EIF5A2: variants seen among roughly 807,000 people sequenced by gnomAD.
The protein encoded by EIF5A2 is eukaryotic translation initiation factor 5A2.
A neutral mutation model predicts 16.4 loss-of-function variants in EIF5A2; 15 were observed. The observed-to-expected ratio is 0.92, with a 90% CI of 0.61 to 1.41. EIF5A2 has a LOEUF of 1.41. Among genes scored for constraint, EIF5A2 ranks in the 40% most tolerant of loss-of-function variants. EIF5A2 has a pLI of 0.00. For synonymous variants in EIF5A2, 48 were observed against 61.1 expected (o/e 0.79, Z 1.00); for missense variants, 144 against 189.5 (o/e 0.76, Z 1.41).
At chr3:170,901,516 A>G (rs1005911860) in intron 3 of EIF5A2, among the ~76,000 whole-genome samples, 6 of 152,008 alleles carry the variant, frequency 3.9e-5, no homozygotes, top group African/African-American at 1.5e-4. Flanking sequence ...TACTACTGAT[A>G]TACAACAGAA....
Position 170,889,073 on chromosome 3 carries a change from T to C in EIF5A2, c.*4287A>G, listed in dbSNP as rs9812695. On this transcript the variant is annotated 3_prime_UTR_variant, in exon 5 of 5. Transcript: ENST00000295822. The stretch of plus-strand genomic sequence containing the variant: ...CTTTTTTTTTTTTTTTTTTTTTTTG[T>C]AAAATAGGTTTCTACCTGTTCTAAG... 8.0e-6 allele frequency: 1 copy of C among 124,668 alleles called. No homozygotes were observed. Among genetic ancestry groups the C allele is most frequent in the Non-Finnish European group, 1.8e-5 (1 of 57,118 alleles). The allele number at this position is 124,668 out of a possible 1,614,324, so 7.7% of individuals were successfully genotyped here.
intron 4 of EIF5A2, among the ~76,000 whole-genome samples, chr3:170,894,030 CAAAA>C (rs200594446): frequency 9.4e-6 from 1 of 106,912 alleles, no homozygotes; most frequent in Non-Finnish European, 2.0e-5. Context: ...GACTCCGTCT[CAAAA>C]AAAAAAAAAA....
At chr3:170,907,141 A>C in intron 2 of EIF5A2, 48 bp from the exon 3 acceptor site, 1 of 1,220,840 alleles carries the variant, frequency 8.2e-7, no homozygotes, top group Non-Finnish European at 1.2e-6. Flanking sequence ...CAAGTATATC[A>C]CTCATTACAC....
In EIF5A2 at chr3:170,907,817, G is replaced by A; in HGVS notation, c.-11C>T. The A allele has an allele frequency of 6.6e-7, 1 of 1,518,606 alleles. No homozygotes were observed. Among genetic ancestry groups the A allele is most frequent in the Non-Finnish European group, 8.9e-7 (1 of 1,119,926 alleles). 94.1% of individuals were successfully genotyped at this position (1,518,606 alleles called of 1,614,324 possible). Reference sequence around the variant, plus strand: ...AATTTCGTCTGCCATGGTGGGCAGGGGAGATGGTAGTTTTTCCGTGGGAAC... The same window carrying A: ...AATTTCGTCTGCCATGGTGGGCAGGAGAGATGGTAGTTTTTCCGTGGGAAC... On this transcript the variant is annotated 5_prime_UTR_variant, in exon 2 of 5. Coordinates refer to ENST00000295822, the MANE Select transcript of EIF5A2 (RefSeq NM_020390.6).
In EIF5A2 at chr3:170,906,543, T is replaced by C. The variant is rs565477899; in HGVS notation, c.270+446A>G. On this transcript the variant is annotated intron_variant, in intron 3 of 4. Transcript: ENST00000295822. The stretch of plus-strand genomic sequence containing the variant: ...CTACTTAAGAATGTCAAGTTCTGAC[T>C]AACATTCATTAATGCAAAAACTTGG... Among the ~76,000 whole-genome samples the C allele has an allele frequency of 2.6e-5, 4 of 152,330 alleles. No homozygotes were observed. The South Asian group carries it at 8.3e-4, about 32-fold the overall frequency.
intron 3 of EIF5A2, among the ~76,000 whole-genome samples, chr3:170,900,349 A>G (rs1049284839): frequency 6.9e-6 from 1 of 144,848 alleles, no homozygotes; most frequent in Non-Finnish European, 1.5e-5. Flanking sequence ...CCTGGGTGGC[A>G]GAGCACGACT....
In EIF5A2 at chr3:170,889,046, G is replaced by GTATTTTTT. The variant is rs1249780814; in HGVS notation, c.*4313_*4314insAAAAAATA. On this transcript the variant is annotated 3_prime_UTR_variant, in exon 5 of 5. Transcript: ENST00000295822. ...GGACTTCATATAAATACAATAACCT[G>GTATTTTTT]TCTTTTTTTTTTTTTTTTTTTTTTT... The GTATTTTTT allele has an allele frequency of 3.9e-5, 1 of 25,860 alleles. No individual in the cohort carries two copies. The highest frequency in any genetic ancestry group is 1.4e-3 in the South Asian group (1 of 700). 1.6% of individuals were successfully genotyped at this position (25,860 alleles called of 1,614,324 possible).
At chr3:170,893,472 G>C (rs1210970764) in intron 4 of EIF5A2, 53 bp from the exon 5 acceptor site, 3 of 1,572,266 alleles carry the variant, frequency 1.9e-6, no homozygotes, top group Non-Finnish European at 2.6e-6. Flanking sequence ...ACATATAGAA[G>C]ATATAATTAG....
chr3:170,891,907 A>AC lies in EIF5A2; in HGVS notation c.*1452dup, dbSNP rs1712543971. 1 of 152,642 alleles carries AC rather than the reference A, an allele frequency of 6.6e-6. No homozygotes were observed. Among genetic ancestry groups the AC allele is most frequent in the East Asian group, 1.9e-4 (1 of 5,204 alleles). The allele number at this position is 152,642 out of a possible 1,614,324, so 9.5% of individuals were successfully genotyped here. ...TAGAATTATTTGCTAGTTATAGTTC[A>AC]CACCAGCAACTGAATTAAGTCACAC... is the stretch of plus-strand genomic sequence containing the variant. On this transcript the variant is annotated 3_prime_UTR_variant, in exon 5 of 5. Transcript: ENST00000295822.
intron 3 of EIF5A2, among the ~76,000 whole-genome samples, chr3:170,901,912 A>T (rs1264079760): frequency 1.3e-5 from 2 of 152,040 alleles, no homozygotes; most frequent in African/African-American, 2.4e-5. Flanking sequence ...ATGCTTGATC[A>T]CTATTATTAT....
At chr3:170,902,431 G>A (rs1031414307) in intron 3 of EIF5A2, among the ~76,000 whole-genome samples, 2 of 128,342 alleles carry the variant, frequency 1.6e-5, no homozygotes, top group African/African-American at 6.2e-5. Context: ...TTGAGACCGA[G>A]TCTTGCTCTG....
At chr3:170,903,752 CAT>C (rs1712867200) in intron 3 of EIF5A2, among the ~76,000 whole-genome samples, 1 of 152,140 alleles carries the variant, frequency 6.6e-6, no homozygotes, top group Non-Finnish European at 1.5e-5. Flanking sequence ...ATTCAATTAA[CAT>C]ATCTCAGCAT....
chr3:170,905,453 T>C lies in EIF5A2; in HGVS notation c.270+1536A>G, dbSNP rs947972815. On this transcript the variant is annotated intron_variant, in intron 3 of 4. Coordinates refer to ENST00000295822, the MANE Select transcript of EIF5A2 (RefSeq NM_020390.6). ...AAACATGCAACAGGCAAAAGCATTC[T>C]ATATTGAATGAATATTACTGAATAT... Among the ~76,000 whole-genome samples the C allele has an allele frequency of 3.3e-5, 5 of 152,378 alleles. No homozygotes were observed. The East Asian group carries it at 9.6e-4, about 29-fold the overall frequency.
rs1712443020 is a variant in EIF5A2, at chr3:170,888,583, G to A, written c.*4777C>T. The A allele has an allele frequency of 6.6e-6, 1 of 152,398 alleles. No homozygotes were observed. The highest frequency in any genetic ancestry group is 1.5e-5 in the Non-Finnish European group (1 of 67,960). 9.4% of individuals were successfully genotyped at this position (152,398 alleles called of 1,614,324 possible). ...TTTAACTATTTTTGAAATGTAAAAT[G>A]TACAATTAGTAATACCCATACTACG... On this transcript the variant is annotated 3_prime_UTR_variant, in exon 5 of 5. Coordinates refer to ENST00000295822, the MANE Select transcript of EIF5A2 (RefSeq NM_020390.6).
intron 3 of EIF5A2, among the ~76,000 whole-genome samples, chr3:170,902,398 C>T (rs1260990861): frequency 1.1e-5 from 1 of 91,378 alleles, no homozygotes; most frequent in African/African-American, 4.9e-5. Flanking sequence ...GCCATTCAGC[C>T]TTTTTTTTTT....
chr3:170,908,157 G>A (rs1416763859), intron 1 of EIF5A2, among the ~76,000 whole-genome samples: 1 of 152,016 alleles, frequency 6.6e-6, no homozygotes, highest in Non-Finnish European at 1.5e-5. Context: ...TTCCCCCGCC[G>A]CCCAGCCCTC....
rs752544698 is a variant in EIF5A2, at chr3:170,891,270, T to G, written c.*2090A>C. 6.6e-6 allele frequency: 1 copy of G among 152,590 alleles called. No homozygotes were observed. Among genetic ancestry groups the G allele is most frequent in the Non-Finnish European group, 1.5e-5 (1 of 68,010 alleles). 9.5% of individuals were successfully genotyped at this position (152,590 alleles called of 1,614,324 possible). A position where few individuals can be genotyped will look rare whatever the true frequency, so the allele number is the denominator to read the frequency against. On this transcript the variant is annotated 3_prime_UTR_variant, in exon 5 of 5. Transcript: ENST00000295822. ...AGTTACAATGCCAACCAGTAGCAAT[T>G]AAGATACACATTACAGAGTACTAAG... is the stretch of plus-strand genomic sequence containing the variant.
chr3:170,907,906 G>C, intron 1 of EIF5A2, 65 bp from the exon 2 acceptor site: 2 of 1,290,926 alleles, frequency 1.5e-6, no homozygotes, highest in Non-Finnish European at 2.1e-6. Context: ...GTCTCATTTC[G>C]GACAAGTTAT....
rs1491038906 is a variant in EIF5A2 at position 170,907,814 on chromosome 3, A to AG, written c.-9dup. ...ATCAATTTCGTCTGCCATGGTGGGC[A>AG]GGGGAGATGGTAGTTTTTCCGTGGG... On this transcript the variant is annotated 5_prime_UTR_variant, in exon 2 of 5. Transcript: ENST00000295822. 10 of 1,526,302 alleles carry AG rather than the reference A, an allele frequency of 6.6e-6. No homozygotes were observed. Among genetic ancestry groups the AG allele is most frequent in the Non-Finnish European group, 6.2e-6 (7 of 1,122,910 alleles). 94.5% of individuals were successfully genotyped at this position (1,526,302 alleles called of 1,614,324 possible). A position where few individuals can be genotyped will look rare whatever the true frequency, so the allele number is the denominator to read the frequency against.
Sources: allele counts gnomAD v4.1 joint callset (sites outside exome capture counted in the v4.1 genomes callset), GRCh38; gene constraint gnomAD v4.1.1; transcripts MANE v1.5; gene names NCBI Gene and HGNC (gene_info 2026-07-23, HGNC 2026-07-21).